Variants in SEMA6D observed in about 807,000 individuals in gnomAD.
The protein encoded by SEMA6D is semaphorin-6D.
Under a neutral mutation model 106.6 loss-of-function variants are expected in SEMA6D, and 35 were observed. The observed-to-expected ratio is 0.33, with a 90% CI of 0.25 to 0.44. The LOEUF (loss-of-function observed/expected upper bound fraction) is 0.44, where lower values mean the gene tolerates loss of function less well. Ranked by LOEUF, SEMA6D falls within the 20% of genes least tolerant of loss-of-function variation. The pLI is 1.00. For missense variants in SEMA6D, 1,185 were observed against 1,345.9 expected (o/e 0.88, Z 1.87); for synonymous variants, 499 against 487.7 (o/e 1.02, Z -0.31).
At chr15:47,649,255 C>A (rs911744979) in intron 4 of SEMA6D, among the ~76,000 whole-genome samples, 1 of 152,028 alleles carries the variant, frequency 6.6e-6, no homozygotes, top group Non-Finnish European at 1.5e-5. Flanking sequence ...ATGGAAGAGA[C>A]GCATCTCAGA....
chr15:47,672,415 A>G (rs2078155236), intron 4 of SEMA6D, among the ~76,000 whole-genome samples: 1 of 152,242 alleles, frequency 6.6e-6, no homozygotes, highest in South Asian at 2.1e-4. Flanking sequence ...AAAGCTTATA[A>G]GAGAAGAAAA....
At chr15:47,693,304 C>T (rs1002444672) in intron 4 of SEMA6D, among the ~76,000 whole-genome samples, 2 of 152,110 alleles carry the variant, frequency 1.3e-5, no homozygotes, top group African/African-American at 4.8e-5. Context: ...CAGAGGGAAC[C>T]AAGCTTGCCA....
chr15:47,643,262 C>T (rs1224673), intron 4 of SEMA6D, among the ~76,000 whole-genome samples: 121,847 of 152,176 alleles, frequency 0.8, 49,026 homozygotes, highest in African/African-American at 0.88. Flanking sequence ...CTTGCCTTTC[C>T]CCACTACGTA....
chr15:47,215,267 G>A (rs1595752233), intron 1 of SEMA6D, among the ~76,000 whole-genome samples: 1 of 151,520 alleles, frequency 6.6e-6, no homozygotes, highest in Non-Finnish European at 1.5e-5. Flanking sequence ...ACGGAAAAAA[G>A]AGCATTCTCT....
At chr15:47,357,110 G>A (rs1467587413) in intron 1 of SEMA6D, among the ~76,000 whole-genome samples, 2 of 151,916 alleles carry the variant, frequency 1.3e-5, no homozygotes, top group East Asian at 1.9e-4. Flanking sequence ...GGAGGCGGGC[G>A]GATCACGAGG....
chr15:47,600,332 A>G (rs572012257), intron 3 of SEMA6D, among the ~76,000 whole-genome samples: 59 of 152,046 alleles, frequency 3.9e-4, no homozygotes, highest in Non-Finnish European at 2.2e-4. Flanking sequence ...CCAGGTTCTG[A>G]GTGTTATACG....
At chr15:47,481,491 T>C (rs1481692738) in intron 3 of SEMA6D, among the ~76,000 whole-genome samples, 1 of 152,204 alleles carries the variant, frequency 6.6e-6, no homozygotes, top group African/African-American at 2.4e-5. Flanking sequence ...TTTCTCATGG[T>C]TCTCCTCAAA....
At chr15:47,594,485 T>C (rs2076499513) in intron 3 of SEMA6D, among the ~76,000 whole-genome samples, 1 of 152,190 alleles carries the variant, frequency 6.6e-6, no homozygotes. Flanking sequence ...CATTATATCA[T>C]TGAGAGAATT....
At chr15:47,410,152 AT>A (rs5812392) in intron 1 of SEMA6D, among the ~76,000 whole-genome samples, 24 of 147,998 alleles carry the variant, frequency 1.6e-4, no homozygotes, top group East Asian at 4.0e-4. Context: ...TTGTTTTTGT[AT>A]TTTTTTTTTT....
intron 1 of SEMA6D, among the ~76,000 whole-genome samples, chr15:47,205,691 A>G (rs1236160588): frequency 8.5e-5 from 13 of 152,220 alleles, no homozygotes; most frequent in Admixed American, 2.6e-4. Flanking sequence ...GCATGGCATT[A>G]TATATTCTTT....
chr15:47,186,080 T>G (rs550100630), intron 1 of SEMA6D, among the ~76,000 whole-genome samples: 1 of 152,300 alleles, frequency 6.6e-6, no homozygotes, highest in African/African-American at 2.4e-5. Context: ...TGCATGTATA[T>G]ATATGTGTGT....
chr15:47,736,575 A>G (rs553129518), intron 1 of SEMA6D, among the ~76,000 whole-genome samples: 2 of 152,290 alleles, frequency 1.3e-5, no homozygotes, highest in South Asian at 4.1e-4. Context: ...GATCGTGGTG[A>G]TGTAGGGTGA....
chr15:47,304,917 T>C (rs1328528122), intron 1 of SEMA6D, among the ~76,000 whole-genome samples: 3 of 152,222 alleles, frequency 2.0e-5, no homozygotes, highest in Non-Finnish European at 4.4e-5. Flanking sequence ...TCCTGAATTA[T>C]TAATGAAGCA....
chr15:47,712,162 C>T (rs80019971), intron 4 of SEMA6D, among the ~76,000 whole-genome samples: 27,088 of 151,986 alleles, frequency 0.18, 2,784 homozygotes, highest in Non-Finnish European at 0.23. Context: ...GATGTCCTTA[C>T]ACTGGATTTT....
chr15:47,541,435 A>G (rs1212422915), intron 3 of SEMA6D, among the ~76,000 whole-genome samples: 1 of 152,190 alleles, frequency 6.6e-6, no homozygotes, highest in Non-Finnish European at 1.5e-5. Flanking sequence ...ATTCTCTGTT[A>G]TTGTGAGCCT....
intron 1 of SEMA6D, among the ~76,000 whole-genome samples, chr15:47,358,064 T>C (rs936591201): frequency 2.6e-5 from 4 of 152,198 alleles, no homozygotes; most frequent in Non-Finnish European, 4.4e-5. Context: ...TTTTAGAGAA[T>C]CATTTTCTCA....
intron 1 of SEMA6D, among the ~76,000 whole-genome samples, chr15:47,400,126 G>T (rs1232885898): frequency 6.6e-6 from 1 of 152,188 alleles, no homozygotes; most frequent in African/African-American, 2.4e-5. Flanking sequence ...CATATTGGAA[G>T]ATGGTGCTTT....
intron 3 of SEMA6D, among the ~76,000 whole-genome samples, chr15:47,473,467 G>C (rs7164879): frequency 0.38 from 57,602 of 151,874 alleles, 11,687 homozygotes; most frequent in African/African-American, 0.51. Context: ...TAATTATGCT[G>C]AAGTCCCCTG....
intron 1 of SEMA6D, among the ~76,000 whole-genome samples, chr15:47,389,922 A>T (rs1160391642): frequency 6.6e-6 from 1 of 152,224 alleles, no homozygotes; most frequent in African/African-American, 2.4e-5. Flanking sequence ...CTCTCCCAGC[A>T]GCCAGAGTGA....
Sources: allele counts gnomAD v4.1 joint callset (sites outside exome capture counted in the v4.1 genomes callset), GRCh38; gene constraint gnomAD v4.1.1; transcripts MANE v1.5; gene names NCBI Gene and HGNC (gene_info 2026-07-23, HGNC 2026-07-21).